The following ALG1 variants were observed in gnomAD, a reference collection of about 807,000 sequenced individuals.
ALG1 encodes ALG1 chitobiosyldiphosphodolichol beta-mannosyltransferase.
ALG1 carries 58 observed loss-of-function variants against 55.1 expected under a neutral mutation model. The ratio of observed to expected loss-of-function variants is 1.05; its 90% CI spans 0.85 to 1.31. ALG1 has a LOEUF of 1.31. ALG1 is among the 50% of genes most tolerant of loss of function. The pLI, the probability that ALG1 is intolerant of heterozygous loss-of-function variation, is 0.00. For missense variants in ALG1, 761 were observed against 598.6 expected, an observed-to-expected ratio of 1.27 and a Z score of -2.83; for synonymous variants, 309 against 247.0, an observed-to-expected ratio of 1.25 and a Z score of -2.35.
chr16:5,083,120 C>T (rs1414859022), intron 11 of ALG1, among the ~76,000 whole-genome samples: 1 of 152,140 alleles, frequency 6.6e-6, no homozygotes, highest in African/African-American at 2.4e-5. Flanking sequence ...AAATGAGTGT[C>T]ATGCTGTGGC....
At position 5,080,854 on chromosome 16, in the gene ALG1, G is replaced by C. The variant is rs1555452339; in HGVS notation, c.962-92G>C. 48 of 1,516,290 alleles carry C rather than the reference G, an allele frequency of 3.2e-5. No individual in the cohort carries two copies. The South Asian group carries it at 4.7e-4, about 15-fold the overall frequency. The allele number at this position is 1,516,290 out of a possible 1,614,324, so 93.9% of individuals were successfully genotyped here. A position where few individuals can be genotyped will look rare whatever the true frequency, so the allele number is the denominator to read the frequency against. Reference sequence around the variant, plus strand: ...GCTGAGGGGTGGAGCTTCTGGGAAAGGGATCCCTCCTAGGGGGGAGTGTCT... The same window carrying C: ...GCTGAGGGGTGGAGCTTCTGGGAAACGGATCCCTCCTAGGGGGGAGTGTCT... On this transcript the variant is annotated intron_variant, in intron 9 of 12. Coordinates refer to ENST00000262374, the MANE Select transcript of ALG1 (RefSeq NM_019109.5).
intron 9 of ALG1, 29 bp downstream of exon 9, chr16:5,079,836 T>C: frequency 1.2e-6 from 2 of 1,608,380 alleles, no homozygotes; most frequent in Admixed American, 1.7e-5. Context: ...GGTGTCTGTT[T>C]GGTTGGGGGA....
rs772724347 is a variant in ALG1 at position 5,075,561 on chromosome 16, A to G, written c.539+25A>G. 4 of 1,613,428 alleles carry G rather than the reference A, an allele frequency of 2.5e-6. No individual in the cohort carries two copies. The South Asian group carries it at 4.4e-5, about 18-fold the overall frequency. On this transcript the variant is annotated intron_variant, in intron 4 of 12. Coordinates refer to ENST00000262374, the MANE Select transcript of ALG1 (RefSeq NM_019109.5). Reference sequence around the variant, plus strand: ...GGTGAGAGTCTAGGAAGAGGGTAAAATACCGTCCCCTAAACCACTCAAGGA... The same window carrying G: ...GGTGAGAGTCTAGGAAGAGGGTAAAGTACCGTCCCCTAAACCACTCAAGGA...
chr16:5,072,397 G>A, intron 1 of ALG1: 1 of 610,074 alleles, frequency 1.6e-6, no homozygotes. Flanking sequence ...TGAGCTGACA[G>A]GATATTTCAT....
At chr16:5,081,141 G>A in intron 10 of ALG1, 85 bp downstream of exon 10, 1 of 1,380,788 alleles carries the variant, frequency 7.2e-7, no homozygotes, top group South Asian at 1.3e-5. Flanking sequence ...TGGCTCTGGA[G>A]GCCACTGGGG....
At chr16:5,084,506 G>A in intron 12 of ALG1, 1 of 656,762 alleles carries the variant, frequency 1.5e-6, no homozygotes, top group Non-Finnish European at 2.7e-6. Flanking sequence ...GCACGTAGAG[G>A]CCGGGAGGTG....
At position 5,077,679 on chromosome 16, in the gene ALG1, G is replaced by T. The variant is rs187902858; in HGVS notation, c.629+145G>T. On this transcript the variant is annotated intron_variant, in intron 5 of 12. Transcript: ENST00000262374. ...GGGAGGTGGTCTTTGGTTTGGGGAA[G>T]CTGGGGGAGGAGGGGGCAGAGTTTC... 108 of 1,054,474 alleles carry T rather than the reference G, an allele frequency of 1.0e-4. No homozygotes were observed. The African/African-American group carries it at 1.4e-3, about 13-fold the overall frequency. The allele number at this position is 1,054,474 out of a possible 1,614,324, so 65.3% of individuals were successfully genotyped here. A position where few individuals can be genotyped will look rare whatever the true frequency, so the allele number is the denominator to read the frequency against.
chr16:5,073,690 G>A lies in ALG1; in HGVS notation c.390+434G>A, dbSNP rs1158094366. 5.3e-5 allele frequency among the ~76,000 whole-genome samples: 8 copies of A among 152,232 alleles called. No individual in the cohort carries two copies. In the East Asian group the frequency reaches 7.7e-4, roughly 15 times the overall value. On this transcript the variant is annotated intron_variant, in intron 3 of 12. Transcript: ENST00000262374. ...CAGTGTGGTTCTATAGTATACACAC[G>A]CACGCATACGCGCGCACACACAAAC... is the stretch of plus-strand genomic sequence containing the variant.
intron 10 of ALG1, among the ~76,000 whole-genome samples, chr16:5,081,459 C>G (rs1415706006): frequency 1.3e-5 from 2 of 152,250 alleles, no homozygotes; most frequent in African/African-American, 4.8e-5. Flanking sequence ...CCGTTGATTT[C>G]TCCAAGTGGG....
intron 10 of ALG1, 37 bp from the exon 11 acceptor site, chr16:5,082,522 G>A (rs763798556): frequency 7.5e-6 from 12 of 1,602,282 alleles, no homozygotes; most frequent in East Asian, 2.2e-5. Flanking sequence ...TCCCAGGGCA[G>A]AGACCAGTGC....
intron 10 of ALG1, 54 bp from the exon 11 acceptor site, chr16:5,082,505 T>C: frequency 6.3e-7 from 1 of 1,575,702 alleles, no homozygotes; most frequent in Non-Finnish European, 8.7e-7. Context: ...GCTGGGAGGA[T>C]TTGTGTTCCC....
At chr16:5,080,856 G>A (rs1047964308) in intron 9 of ALG1, 90 bp from the exon 10 acceptor site, 13 of 1,521,714 alleles carry the variant, frequency 8.5e-6, no homozygotes, top group African/African-American at 1.4e-5. Context: ...CTGGGAAAGG[G>A]ATCCCTCCTA....
Position 5,071,862 on chromosome 16 carries a change from T to A in ALG1, c.13T>A (p.Cys5Ser). ...CGGGCCAGCCAAGATGGCGGCCTCA[T>A]GCTTGGTCCTGCTGGCGCTGTGTCT... MAAS[C>S]LVLLALCLLL... Residue 5 changes from cysteine (C) to serine (S), a missense_variant, in exon 1 of 13, where the codon TGC (cysteine) becomes AGC (serine). By Grantham distance (112) the Cys-to-Ser change is moderately radical. Coordinates refer to ENST00000262374, the MANE Select transcript of ALG1 (RefSeq NM_019109.5). 1 of 1,604,678 alleles carries A rather than the reference T, an allele frequency of 6.2e-7. No individual in the cohort carries two copies. The highest frequency in any genetic ancestry group is 2.2e-5 in the East Asian group (1 of 44,712).
At position 5,084,908 on chromosome 16, in the gene ALG1, G is replaced by T; in HGVS notation, c.*27G>T. The T allele has an allele frequency of 6.3e-7, 1 of 1,596,352 alleles. No homozygotes were observed. The highest frequency in any genetic ancestry group is 1.1e-5 in the South Asian group (1 of 90,982). ...TCCTGGGCCAGAGGCTAAAACCCCA[G>T]GACCCCTGCTGTCCTTCCCGCAGCT... On this transcript the variant is annotated 3_prime_UTR_variant, in exon 13 of 13. Coordinates refer to ENST00000262374, the MANE Select transcript of ALG1 (RefSeq NM_019109.5).
In ALG1 at chr16:5,086,525, T is replaced by C. The variant is rs1957179367; in HGVS notation, c.*1644T>C. 6.6e-6 allele frequency: 1 copy of C among 152,008 alleles called. No homozygotes were observed. The highest frequency in any genetic ancestry group is 1.5e-5 in the Non-Finnish European group (1 of 68,010). The allele number at this position is 152,008 out of a possible 1,614,324, so 9.4% of individuals were successfully genotyped here. A position where few individuals can be genotyped will look rare whatever the true frequency, so the allele number is the denominator to read the frequency against. ...GTGCAGTGGCACAGTCATTGCTCAC[T>C]ACAGCCTCGACTCCTGGGCTCTAGC... On this transcript the variant is annotated 3_prime_UTR_variant, in exon 13 of 13. Transcript: ENST00000262374.
intron 10 of ALG1, among the ~76,000 whole-genome samples, chr16:5,081,283 G>A (rs1465816444): frequency 1.3e-5 from 2 of 152,214 alleles, no homozygotes; most frequent in Admixed American, 6.5e-5. Context: ...AGCCTGCCAC[G>A]CCCTCCATTC....
In ALG1 at chr16:5,075,530, C is replaced by T; in HGVS notation, c.533C>T (p.Ala178Val). Reference sequence around the variant, plus strand: ...CCCAACCATCCCCTCGTTCTGCTGGCCAAGTGGTGAGAGTCTAGGAAGAGG... The same window carrying T: ...CCCAACCATCCCCTCGTTCTGCTGGTCAAGTGGTGAGAGTCTAGGAAGAGG... ...HGPNHPLVLL[A>V]KWYEKFFGRL... The change falls in exon 4 of 13, where the codon GCC (alanine) becomes GTC (valine). Residue 178 changes from alanine to valine, a missense_variant. Transcript: ENST00000262374. 6 of 1,614,096 alleles carry T rather than the reference C, an allele frequency of 3.7e-6. No homozygotes were observed. The highest frequency in any genetic ancestry group is 5.1e-6 in the Non-Finnish European group (6 of 1,180,026).
At chr16:5,084,590 G>T in intron 12 of ALG1, 160 bp from the exon 13 acceptor site, 1 of 1,116,572 alleles carries the variant, frequency 9.0e-7, no homozygotes, top group Non-Finnish European at 1.3e-6. Flanking sequence ...AGTTGGAGGC[G>T]GAGTGCTGCT....
In ALG1 at chr16:5,085,627, G is replaced by A. The variant is rs373657874; in HGVS notation, c.*746G>A. ...TCACAATCCCGTTGGAGTCGTGTGT[G>A]AGTCCTACAGGGTGAGATTCAGCAT... On this transcript the variant is annotated 3_prime_UTR_variant, in exon 13 of 13. Transcript: ENST00000262374. 2 of 1,587,710 alleles carry A rather than the reference G, an allele frequency of 1.3e-6. No individual in the cohort carries two copies. Among genetic ancestry groups the A allele is most frequent in the African/African-American group, 2.7e-5 (2 of 74,348 alleles).
Sources: gnomAD v4.1 joint callset for allele counts (sites outside exome capture counted in the v4.1 genomes callset) on GRCh38, gnomAD v4.1.1 for gene constraint, MANE v1.5 for transcripts, NCBI Gene and HGNC (gene_info 2026-07-23, HGNC 2026-07-21) for gene names.